Variants in MEIS1 observed in about 807,000 individuals in gnomAD.
The protein encoded by MEIS1 is Meis homeobox 1.
Under a neutral mutation model 50.8 loss-of-function variants are expected in MEIS1, and 5 were observed. The ratio of observed to expected loss-of-function variants is 0.10; its 90% CI spans 0.05 to 0.21. MEIS1 has a LOEUF of 0.21. Ranked by LOEUF, MEIS1 falls within the 10% of genes least tolerant of loss-of-function variation. The probability of loss-of-function intolerance (pLI) is 1.00; values close to 1 mark genes in which losing one functional copy is unlikely to be tolerated. For synonymous variants in MEIS1, 176 were observed against 179.3 expected, an observed-to-expected ratio of 0.98 and a Z score of 0.15; for missense variants, 318 against 517.3, an observed-to-expected ratio of 0.61 and a Z score of 3.74.
At chr2:66,447,569 T>A (rs543246718) in intron 6 of MEIS1, among the ~76,000 whole-genome samples, 2 of 152,340 alleles carry the variant, frequency 1.3e-5, no homozygotes, top group South Asian at 4.1e-4. Flanking sequence ...ATAGCACCCT[T>A]TGAATTAAAA....
chr2:66,532,254 C>T (rs777123147), intron 8 of MEIS1, among the ~76,000 whole-genome samples: 7 of 152,048 alleles, frequency 4.6e-5, no homozygotes, highest in Middle Eastern at 3.4e-3. Flanking sequence ...GATTTTTGAA[C>T]AGGGAAAAAG....
At chr2:66,484,673 C>G (rs1439012653) in intron 7 of MEIS1, among the ~76,000 whole-genome samples, 2 of 152,104 alleles carry the variant, frequency 1.3e-5, no homozygotes, top group Non-Finnish European at 2.9e-5. Context: ...ATTCTCCTGC[C>G]TCAGCCTCCC....
At chr2:66,481,662 CAGTA>C (rs1232587936) in intron 7 of MEIS1, among the ~76,000 whole-genome samples, 2 of 151,996 alleles carry the variant, frequency 1.3e-5, no homozygotes, top group Non-Finnish European at 2.9e-5. Flanking sequence ...ATAAGGCTGA[CAGTA>C]TTATTTATTT....
Position 66,572,238 on chromosome 2 carries a change from G to T in MEIS1, c.*1030G>T, listed in dbSNP as rs948880244. 2.6e-4 allele frequency: 40 copies of T among 152,216 alleles called. No individual in the cohort carries two copies. The highest frequency in any genetic ancestry group is 2.9e-5 in the Non-Finnish European group (2 of 68,070). 9.4% of individuals were successfully genotyped at this position (152,216 alleles called of 1,614,324 possible). On this transcript the variant is annotated 3_prime_UTR_variant, in exon 13 of 13. Coordinates refer to ENST00000272369, the MANE Select transcript of MEIS1 (RefSeq NM_002398.3). ...AGGCCGTGTGTTTAGAAGCCTAATT[G>T]TCACATCAAGCATCATTGTCCCCAT...
At chr2:66,518,256 G>A (rs539662370) in intron 8 of MEIS1, among the ~76,000 whole-genome samples, 9 of 152,286 alleles carry the variant, frequency 5.9e-5, no homozygotes, top group African/African-American at 2.2e-4. Flanking sequence ...GAGACTCTAT[G>A]TTACTGTCAG....
chr2:66,486,266 A>C (rs1673141485), intron 7 of MEIS1, among the ~76,000 whole-genome samples: 4 of 152,132 alleles, frequency 2.6e-5, no homozygotes, highest in African/African-American at 9.7e-5. Context: ...TCTGGAGTAA[A>C]TTTTTGTATA....
intron 6 of MEIS1, chr2:66,443,863 GCTGCACC>G (rs1461520054): frequency 6.6e-6 from 1 of 152,528 alleles, no homozygotes; most frequent in African/African-American, 2.4e-5. Flanking sequence ...GCCTTGGCTT[GCTGCACC>G]CTCTCCTCTC....
chr2:66,440,866 G>A (rs999734655), intron 4 of MEIS1: 2 of 557,134 alleles, frequency 3.6e-6, no homozygotes, highest in East Asian at 5.9e-5. Flanking sequence ...GCCGGGCTGC[G>A]CAGCTCTAAT....
intron 7 of MEIS1, among the ~76,000 whole-genome samples, chr2:66,485,801 G>A (rs1437246586): frequency 1.3e-5 from 2 of 152,188 alleles, no homozygotes; most frequent in Non-Finnish European, 2.9e-5. Context: ...TCTAACTGGT[G>A]TGAGGTGGTA....
At chr2:66,549,243 C>A (rs1674860564) in intron 9 of MEIS1, among the ~76,000 whole-genome samples, 1 of 152,124 alleles carries the variant, frequency 6.6e-6, no homozygotes, top group African/African-American at 2.4e-5. Flanking sequence ...AAGACACAGA[C>A]AGACTCACAT....
chr2:66,466,637 A>C (rs549402017), intron 7 of MEIS1, among the ~76,000 whole-genome samples: 1 of 152,242 alleles, frequency 6.6e-6, no homozygotes, highest in Non-Finnish European at 1.5e-5. Context: ...TGGATGTGTA[A>C]GCTGTGCCAG....
intron 9 of MEIS1, among the ~76,000 whole-genome samples, chr2:66,554,409 G>T (rs1675001197): frequency 6.6e-6 from 1 of 152,210 alleles, no homozygotes; most frequent in Non-Finnish European, 1.5e-5. Flanking sequence ...CATTTCCCTG[G>T]AGAGGGCATA....
intron 7 of MEIS1, among the ~76,000 whole-genome samples, chr2:66,474,904 T>A (rs1001582599): frequency 1.3e-5 from 2 of 152,080 alleles, no homozygotes; most frequent in African/African-American, 2.4e-5. Flanking sequence ...CTTACATTTT[T>A]AAAAAATGTA....
intron 7 of MEIS1, among the ~76,000 whole-genome samples, chr2:66,479,275 G>A (rs560196580): frequency 6.6e-6 from 1 of 152,336 alleles, no homozygotes; most frequent in Admixed American, 6.5e-5. Context: ...GCTATAAACA[G>A]TAGTTTAAAG....
intron 7 of MEIS1, among the ~76,000 whole-genome samples, chr2:66,490,298 G>A (rs1673241029): frequency 6.6e-6 from 1 of 152,206 alleles, no homozygotes; most frequent in African/African-American, 2.4e-5. Flanking sequence ...AGCCGGATTT[G>A]GAGGGTGGGT....
Position 66,571,340 on chromosome 2 carries a change from C to T in MEIS1, c.*132C>T. On this transcript the variant is annotated 3_prime_UTR_variant, in exon 13 of 13. Coordinates refer to ENST00000272369, the MANE Select transcript of MEIS1 (RefSeq NM_002398.3). Reference sequence around the variant, plus strand: ...GTTATACCCAACCCCAGATGCCCCCCCATCCTGCTCAGCTGCGTCATGGGC... The same window carrying T: ...GTTATACCCAACCCCAGATGCCCCCTCATCCTGCTCAGCTGCGTCATGGGC... 8.8e-6 allele frequency: 14 copies of T among 1,599,662 alleles called. No homozygotes were observed. Among genetic ancestry groups the T allele is most frequent in the South Asian group, 1.1e-5 (1 of 89,616 alleles).
chr2:66,534,116 C>T (rs926542000), intron 8 of MEIS1, among the ~76,000 whole-genome samples: 2 of 152,198 alleles, frequency 1.3e-5, no homozygotes, highest in African/African-American at 2.4e-5. Flanking sequence ...TGATTATCCT[C>T]ATTTTACCAA....
chr2:66,490,261 G>A (rs1227043686), intron 7 of MEIS1, among the ~76,000 whole-genome samples: 2 of 152,178 alleles, frequency 1.3e-5, no homozygotes, highest in Non-Finnish European at 1.5e-5. Context: ...TGTGCATAGC[G>A]CATTTGCAGA....
In MEIS1 at chr2:66,435,801, C is replaced by G. The variant is rs1017886556; in HGVS notation, c.-56C>G. ...GTTTGAATATTTGTTTCTTTTCACA[C>G]TGGCCTTAAAGAGGATATATTAGAA... On this transcript the variant is annotated 5_prime_UTR_variant, in exon 1 of 13. Coordinates refer to ENST00000272369, the MANE Select transcript of MEIS1 (RefSeq NM_002398.3). The G allele has an allele frequency of 3.0e-6, 3 of 996,278 alleles. No individual in the cohort carries two copies. Among genetic ancestry groups the G allele is most frequent in the Non-Finnish European group, 4.3e-6 (3 of 699,198 alleles). The allele number at this position is 996,278 out of a possible 1,614,324, so 61.7% of individuals were successfully genotyped here.
Sources: gnomAD v4.1 joint callset for allele counts (sites outside exome capture counted in the v4.1 genomes callset) on GRCh38, gnomAD v4.1.1 for gene constraint, MANE v1.5 for transcripts, NCBI Gene and HGNC (gene_info 2026-07-23, HGNC 2026-07-21) for gene names.